MYOM1: variants seen among roughly 807,000 people sequenced by gnomAD.
MYOM1 encodes the protein myomesin-1.
MYOM1 carries 164 observed loss-of-function variants against 205.3 expected under a neutral mutation model. The observed-to-expected ratio is 0.80, with a 90% CI of 0.70 to 0.91. The LOEUF (loss-of-function observed/expected upper bound fraction) is 0.91. Ranked by LOEUF, MYOM1 falls within the 40% of genes least tolerant of loss-of-function variation. The probability of loss-of-function intolerance (pLI) is 0.00; values close to 1 mark genes in which losing one functional copy is unlikely to be tolerated. For missense variants in MYOM1, 2,011 were observed against 2,127.3 expected, an observed-to-expected ratio of 0.95 and a Z score of 1.08; for synonymous variants, 772 against 789.4, an observed-to-expected ratio of 0.98 and a Z score of 0.37.
chr18:3,199,698 G>C (rs2081041249), intron 2 of MYOM1, among the ~76,000 whole-genome samples: 1 of 152,174 alleles, frequency 6.6e-6, no homozygotes, highest in Non-Finnish European at 1.5e-5. Context: ...AAATTAGCTA[G>C]GCATGGTGGC....
intron 18 of MYOM1, 70 bp from the exon 19 acceptor site, chr18:3,126,967 G>T: frequency 7.2e-7 from 1 of 1,392,460 alleles, no homozygotes; most frequent in South Asian, 1.3e-5. Flanking sequence ...ACATTTCCAT[G>T]GGTGCCACAT....
In MYOM1 at chr18:3,151,710, C is replaced by T; in HGVS notation, c.1827G>A (p.Glu609=). 1 of 1,613,234 alleles carries T rather than the reference C, an allele frequency of 6.2e-7. No homozygotes were observed. The highest frequency in any genetic ancestry group is 2.2e-5 in the East Asian group (1 of 44,866). ...SEPVAALDPA[E]KARLKSRPSA... is the part of the protein sequence containing the mutation. ...AGTGCTTACTTTTAAGTCTAGCTTT[C>T]TCAGCCGGATCCAGAGCAGCCACGG... The change falls in exon 12 of 38, where the codon GAG becomes GAA. Residue 609 remains glutamate, a synonymous_variant. Transcript: ENST00000356443.
intron 13 of MYOM1, among the ~76,000 whole-genome samples, chr18:3,147,952 A>G (rs1405559147): frequency 6.6e-6 from 1 of 152,216 alleles, no homozygotes. Context: ...AAAGATGCCC[A>G]ATGTCACAAA....
rs2081167621 is a variant in MYOM1, at chr18:3,209,619, A to G, written c.290+5315T>C. 1.3e-5 allele frequency among the ~76,000 whole-genome samples: 2 copies of G among 152,126 alleles called. No homozygotes were observed. Among genetic ancestry groups the G allele is most frequent in the Admixed American group, 6.5e-5 (1 of 15,270 alleles). ...ATCCATCACTCCCCCATTCCCTTGC[A>G]TGGGCCTCGATGCTGTTCTGTGCTG... On this transcript the variant is annotated intron_variant, in intron 2 of 37. Coordinates refer to ENST00000356443, the MANE Select transcript of MYOM1 (RefSeq NM_003803.4). This position sits in a 1 kb window ranked among gnomAD's most constrained non-coding sequence, Gnocchi z 4.0.
Position 3,141,933 on chromosome 18 carries a change from T to C in MYOM1, c.2025+6A>G. On this transcript the variant is annotated splice_donor_region_variant and intron_variant, in intron 14 of 37. Coordinates refer to ENST00000356443, the MANE Select transcript of MYOM1 (RefSeq NM_003803.4). The stretch of plus-strand genomic sequence containing the variant: ...GTATGAGGTCATGTTGATTCTAGAG[T>C]CTTACCTTTTCCACAAAGTACATAA... 6.2e-7 allele frequency: 1 copy of C among 1,613,546 alleles called. No individual in the cohort carries two copies. The highest frequency in any genetic ancestry group is 8.5e-7 in the Non-Finnish European group (1 of 1,179,698).
At position 3,094,216 on chromosome 18, in the gene MYOM1, G is replaced by A. The variant is rs1422292437; in HGVS notation, c.3818C>T (p.Ala1273Val). The change falls in exon 26 of 38, where the codon GCC becomes GTC. Residue 1273 changes from alanine (A) to valine (V), a missense_variant. By Grantham distance (64) the Ala-to-Val change is moderately conservative. Coordinates refer to ENST00000356443, the MANE Select transcript of MYOM1 (RefSeq NM_003803.4). ...CTCGTTAAATATGTAGTTGACTTTG[G>A]CATTGCCAGACAGTTTCTCAGCCTG... ...WMQAEKLSGN[A>V]KVNYIFNEKE... is the part of the protein sequence containing the mutation. 1.9e-6 allele frequency: 3 copies of A among 1,613,930 alleles called. No homozygotes were observed. The South Asian group carries it at 3.3e-5, about 18-fold the overall frequency.
intron 19 of MYOM1, among the ~76,000 whole-genome samples, chr18:3,124,566 T>C (rs901364999): frequency 8.6e-5 from 13 of 151,742 alleles, no homozygotes; most frequent in African/African-American, 2.9e-4. Context: ...CCTGACCTCA[T>C]GATCCACCTG....
At chr18:3,200,731 C>T (rs76706567) in intron 2 of MYOM1, among the ~76,000 whole-genome samples, 1,813 of 151,950 alleles carry the variant, frequency 0.012, 19 homozygotes, top group Middle Eastern at 0.037. Context: ...GCCTCAGAAA[C>T]GTGTGAGACA....
intron 22 of MYOM1, among the ~76,000 whole-genome samples, chr18:3,111,378 T>G (rs1019636515): frequency 6.6e-6 from 1 of 152,112 alleles, no homozygotes; most frequent in African/African-American, 2.4e-5. Flanking sequence ...TAAACTCTGT[T>G]CTCATAAGAA....
chr18:3,157,406 C>A (rs1444065811), intron 10 of MYOM1, among the ~76,000 whole-genome samples: 1 of 152,004 alleles, frequency 6.6e-6, no homozygotes, highest in Non-Finnish European at 1.5e-5. Flanking sequence ...AAATAAGGAT[C>A]CTAGCTGGGT....
At chr18:3,103,347 CT>C (rs1233589556) in intron 22 of MYOM1, among the ~76,000 whole-genome samples, 2 of 152,166 alleles carry the variant, frequency 1.3e-5, no homozygotes, top group African/African-American at 4.8e-5. Flanking sequence ...AGATTCAGCT[CT>C]TTCAGGAAGA....
chr18:3,246,792 G>A, the MYOM1 span: 1 of 152,244 alleles, frequency 6.6e-6, no homozygotes, highest in African/African-American at 2.4e-5. Flanking sequence ...ATGACGGCTC[G>A]AGTGTTAGAG....
chr18:3,131,477 C>T lies in MYOM1; in HGVS notation c.2404G>A (p.Val802Met). The T allele has an allele frequency of 6.2e-7, 1 of 1,612,660 alleles. No individual in the cohort carries two copies. Among genetic ancestry groups the T allele is most frequent in the Non-Finnish European group, 8.5e-7 (1 of 1,179,398 alleles). Reference sequence around the variant, plus strand: ...CGGAAAATATAACTCTGACCAGTCACTAATCCATGACAAGTGAATCTAAAA... The same window carrying T: ...CGGAAAATATAACTCTGACCAGTCATTAATCCATGACAAGTGAATCTAAAA... ...KGSRFTCHGL[V>M]TGQSYIFRVR... The change falls in exon 17 of 38, where the codon GTG (valine) becomes ATG (methionine). Residue 802 changes from valine to methionine, a missense_variant. By Grantham distance (21) the Val-to-Met change is conservative (BLOSUM62 1). Coordinates refer to ENST00000356443, the MANE Select transcript of MYOM1 (RefSeq NM_003803.4).
intron 8 of MYOM1, among the ~76,000 whole-genome samples, chr18:3,171,324 C>T (rs576795259): frequency 6.6e-6 from 1 of 152,278 alleles, no homozygotes; most frequent in African/African-American, 2.4e-5. Context: ...AGATCTTGCA[C>T]AGCGCTGGGA....
At chr18:3,141,833 G>C (rs902804982) in intron 14 of MYOM1, 106 bp downstream of exon 14, 18 of 1,387,406 alleles carry the variant, frequency 1.3e-5, no homozygotes, top group South Asian at 1.1e-4. Flanking sequence ...ATCAGGACAT[G>C]CTCCCTCCTC....
At chr18:3,093,141 A>G (rs2079250123) in intron 26 of MYOM1, among the ~76,000 whole-genome samples, 1 of 152,060 alleles carries the variant, frequency 6.6e-6, no homozygotes, top group East Asian at 1.9e-4. Flanking sequence ...TATACTGCAT[A>G]CTCTCCTAAT....
intron 26 of MYOM1, among the ~76,000 whole-genome samples, chr18:3,093,195 T>C (rs1015648774): frequency 6.6e-6 from 1 of 152,160 alleles, no homozygotes; most frequent in Non-Finnish European, 1.5e-5. Context: ...TCCTCAAATG[T>C]TTTAAAAATA....
chr18:3,157,488 G>T (rs1382957112), intron 10 of MYOM1, among the ~76,000 whole-genome samples: 2 of 151,654 alleles, frequency 1.3e-5, no homozygotes, highest in Non-Finnish European at 2.9e-5. Context: ...GAGCAGCCTG[G>T]GCAACATGGT....
chr18:3,161,808 C>G (rs1008496477), intron 10 of MYOM1, among the ~76,000 whole-genome samples: 5 of 152,156 alleles, frequency 3.3e-5, no homozygotes, highest in African/African-American at 1.2e-4. Context: ...AATTACCGTA[C>G]TTTTTTGAAC....
Sources: gnomAD v4.1 joint callset for allele counts (sites outside exome capture counted in the v4.1 genomes callset) on GRCh38, gnomAD v4.1.1 for gene constraint, Gnocchi (gnomAD v3.1) non-coding constraint, MANE v1.5 for transcripts, NCBI Gene and HGNC (gene_info 2026-07-23, HGNC 2026-07-21) for gene names.